The following SLC9D1 variants were observed in gnomAD, a reference collection of about 807,000 sequenced individuals.
SLC9D1 encodes the protein solute carrier family 9 member D1, also known as putative LAG1-interacting protein.
At chr13:113,501,023 C>T in the SLC9D1 span, among the ~76,000 whole-genome samples, 1 of 152,144 alleles carries the variant, frequency 6.6e-6, no homozygotes. Flanking sequence ...CCTCACTGAC[C>T]TTCAGGGCTG....
At chr13:113,534,279 C>T in the SLC9D1 span, 1 of 1,477,210 alleles carries the variant, frequency 6.8e-7, no homozygotes, top group Non-Finnish European at 9.4e-7. Context: ...TAATCTGATA[C>T]ATAATCTCTT....
chr13:113,540,809 C>T, the SLC9D1 span, among the ~76,000 whole-genome samples: 3 of 152,296 alleles, frequency 2.0e-5, no homozygotes, highest in East Asian at 5.8e-4. Flanking sequence ...CCAAGGCCAA[C>T]GTTCAGAGGT....
chr13:113,537,642 C>A, the SLC9D1 span, among the ~76,000 whole-genome samples: 1 of 152,174 alleles, frequency 6.6e-6, no homozygotes, highest in Non-Finnish European at 1.5e-5. Flanking sequence ...TCGTGGCTAT[C>A]TTCTGTGTTC....
At chr13:113,533,418 C>A in the SLC9D1 span, among the ~76,000 whole-genome samples, 78 of 152,248 alleles carry the variant, frequency 5.1e-4, 1 homozygote, top group African/African-American at 1.7e-3. Context: ...TTTCCTCCAC[C>A]GAGGAAACTT....
the SLC9D1 span, chr13:113,514,554 G>A: frequency 1.5e-5 from 2 of 130,976 alleles, no homozygotes; most frequent in African/African-American, 6.7e-5. Context: ...CATGAGCCTC[G>A]CTAGTATTTG....
At chr13:113,492,150 A>G in the SLC9D1 span, among the ~76,000 whole-genome samples, 1 of 151,980 alleles carries the variant, frequency 6.6e-6, no homozygotes, top group Non-Finnish European at 1.5e-5. Flanking sequence ...TAATTATTTC[A>G]TTTTTAATAG....
At chr13:113,549,327 G>A in the SLC9D1 span, 3 of 1,359,734 alleles carry the variant, frequency 2.2e-6, no homozygotes, top group African/African-American at 1.4e-5. Context: ...AGCTTTGCAG[G>A]CGTCCCTCCC....
the SLC9D1 span, chr13:113,496,054 G>GAGGGAGAGGGAGAGAGAGGTGA: frequency 6.8e-7 from 1 of 1,475,722 alleles, no homozygotes; most frequent in South Asian, 1.2e-5. Flanking sequence ...GAGAGAGAGA[G>GAGGGAGAGGGAGAGAGAGGTGA]AGGGAGAGGG....
the SLC9D1 span, chr13:113,549,722 G>T: frequency 2.5e-6 from 2 of 793,630 alleles, no homozygotes; most frequent in East Asian, 2.6e-5. Flanking sequence ...AGAATTTTCC[G>T]GAGTAGTTTA....
At chr13:113,518,373 C>T in the SLC9D1 span, among the ~76,000 whole-genome samples, 2 of 152,288 alleles carry the variant, frequency 1.3e-5, no homozygotes, top group East Asian at 3.9e-4. Flanking sequence ...CTGTGGTGCC[C>T]ATGGCCTAGC....
chr13:113,519,826 A>C, the SLC9D1 span, among the ~76,000 whole-genome samples: 27,472 of 151,930 alleles, frequency 0.18, 3,228 homozygotes, highest in African/African-American at 0.34. Flanking sequence ...TTTGGACATC[A>C]AGTCTGTGTT....
the SLC9D1 span, among the ~76,000 whole-genome samples, chr13:113,522,205 ACT>A: frequency 6.6e-6 from 1 of 151,512 alleles, no homozygotes; most frequent in Non-Finnish European, 1.5e-5. Context: ...TTTATTGTAG[ACT>A]CTCTTTGTCA....
At chr13:113,533,987 T>C in the SLC9D1 span, 3 of 1,296,608 alleles carry the variant, frequency 2.3e-6, no homozygotes, top group Non-Finnish European at 2.2e-6. Flanking sequence ...GATTATTTTA[T>C]TGAGTTTTAG....
At chr13:113,531,543 C>A in the SLC9D1 span, among the ~76,000 whole-genome samples, 1 of 150,334 alleles carries the variant, frequency 6.7e-6, no homozygotes, top group African/African-American at 2.5e-5. Flanking sequence ...TCAAGAGCAG[C>A]ACACGCGTGG....
At chr13:113,518,002 G>A in the SLC9D1 span, among the ~76,000 whole-genome samples, 1 of 152,218 alleles carries the variant, frequency 6.6e-6, no homozygotes, top group Admixed American at 6.5e-5. Flanking sequence ...TAGTGGGTAT[G>A]TGAGCATTTG....
chr13:113,548,216 G>C, the SLC9D1 span: 519 of 1,464,330 alleles, frequency 3.5e-4, 5 homozygotes, highest in South Asian at 5.9e-3. Flanking sequence ...CAGCGTGCCT[G>C]TGGCTCGTCT....
At chr13:113,549,594 G>C in the SLC9D1 span, 11 of 1,611,060 alleles carry the variant, frequency 6.8e-6, no homozygotes, top group East Asian at 2.5e-4. Context: ...TGAGCGCTTA[G>C]ATGGCCAGCA....
the SLC9D1 span, among the ~76,000 whole-genome samples, chr13:113,517,525 T>G: frequency 6.6e-6 from 1 of 152,152 alleles, no homozygotes; most frequent in African/African-American, 2.4e-5. Context: ...TTTGTATTAG[T>G]GAATAAATGG....
chr13:113,508,854 A>T, the SLC9D1 span, among the ~76,000 whole-genome samples: 1 of 152,238 alleles, frequency 6.6e-6, no homozygotes. Flanking sequence ...TTTCACTAAG[A>T]ACTAGGTGGG....
Sources: allele counts gnomAD v4.1 joint callset (sites outside exome capture counted in the v4.1 genomes callset), GRCh38; gene constraint gnomAD v4.1.1; transcripts MANE v1.5; gene names NCBI Gene and HGNC (gene_info 2026-07-23, HGNC 2026-07-21).